The following SCNN1B variants were observed in gnomAD, a reference collection of about 807,000 sequenced individuals.
SCNN1B encodes sodium channel epithelial 1 subunit beta, also known as epithelial sodium channel subunit beta.
Under a neutral mutation model 65.3 loss-of-function variants are expected in SCNN1B, and 46 were observed. That is an observed-to-expected ratio of 0.70 (90% CI 0.56 to 0.90). The LOEUF (loss-of-function observed/expected upper bound fraction) is 0.90, where lower values mean the gene tolerates loss of function less well. Among genes scored for constraint, SCNN1B ranks in the 40% least tolerant of loss-of-function variants. SCNN1B has a pLI of 0.00. For synonymous variants in SCNN1B, 349 were observed against 330.6 expected (o/e 1.06, Z -0.60); for missense variants, 751 against 830.5 (o/e 0.90, Z 1.18).
chr16:23,328,706 C>T (rs1961746883), intron 1 of SCNN1B, among the ~76,000 whole-genome samples: 1 of 152,216 alleles, frequency 6.6e-6, no homozygotes, highest in South Asian at 2.1e-4. Context: ...GAAGTCCTGT[C>T]CTGCAACAAT....
chr16:23,339,292 T>C (rs77655571), intron 1 of SCNN1B, among the ~76,000 whole-genome samples: 21,419 of 152,166 alleles, frequency 0.14, 2,027 homozygotes, highest in African/African-American at 0.27. Context: ...GTGGATTGCT[T>C]CTAGGTGGGG....
intron 2 of SCNN1B, among the ~76,000 whole-genome samples, chr16:23,294,557 C>T (rs1227651453): frequency 1.3e-5 from 2 of 151,690 alleles, no homozygotes; most frequent in Non-Finnish European, 2.9e-5. Context: ...TTCAAACACA[C>T]CCAGCACACA....
At chr16:23,306,241 CAAA>C (rs528596295) in intron 1 of SCNN1B, among the ~76,000 whole-genome samples, 1 of 106,014 alleles carries the variant, frequency 9.4e-6, no homozygotes, top group Admixed American at 1.0e-4. Context: ...GAAACTCTGT[CAAA>C]AAAAAAAAAA....
At chr16:23,291,720 A>G (rs1009692822) in intron 2 of SCNN1B, among the ~76,000 whole-genome samples, 5 of 148,886 alleles carry the variant, frequency 3.4e-5, no homozygotes, top group Admixed American at 2.7e-4. Flanking sequence ...GACCACAGGC[A>G]CGCACCACCA....
intron 1 of SCNN1B, among the ~76,000 whole-genome samples, chr16:23,336,584 A>C (rs1442736024): frequency 2.6e-5 from 4 of 151,988 alleles, no homozygotes; most frequent in Non-Finnish European, 5.9e-5. Flanking sequence ...GTTGGCCAGG[A>C]TGGTCTCGAT....
intron 2 of SCNN1B, among the ~76,000 whole-genome samples, chr16:23,289,869 T>A (rs968938531): frequency 1.3e-5 from 2 of 151,756 alleles, no homozygotes; most frequent in Non-Finnish European, 2.9e-5. Context: ...AGAGACGGGG[T>A]TTCACCATGT....
chr16:23,377,235 C>T lies in SCNN1B; in HGVS notation c.1341C>T (p.Ser447=). 6.2e-7 allele frequency: 1 copy of T among 1,614,212 alleles called. No homozygotes were observed. The highest frequency in any genetic ancestry group is 8.5e-7 in the Non-Finnish European group (1 of 1,180,024). The change falls in exon 9 of 13, where the codon TCC becomes TCT. Residue 447 remains serine (S), a synonymous_variant. Coordinates refer to ENST00000343070, the MANE Select transcript of SCNN1B (RefSeq NM_000336.3). ...RETCIGMCKE[S]CNDTQYKMTI... is the part of the protein sequence containing the mutation. ...CCTGCATTGGCATGTGCAAGGAGTC[C>T]TGCAAGTGAGTGCGGGTGGGCGGGC... is the stretch of plus-strand genomic sequence containing the variant.
intron 7 of SCNN1B, among the ~76,000 whole-genome samples, chr16:23,373,466 G>A: frequency 6.6e-6 from 1 of 152,152 alleles, no homozygotes; most frequent in East Asian, 1.9e-4. Flanking sequence ...CCCCCTTGCT[G>A]TAGCTGGAGG....
intron 1 of SCNN1B, among the ~76,000 whole-genome samples, chr16:23,343,282 G>A (rs900143142): frequency 1.0e-5 from 1 of 96,302 alleles, no homozygotes; most frequent in African/African-American, 2.9e-5. Context: ...GATAAACCCC[G>A]TCACTATTAA....
At chr16:23,299,065 T>TC (rs975701514), upstream of SCNN1B, among the ~76,000 whole-genome samples, 123 of 149,968 alleles carry the variant, frequency 8.2e-4, no homozygotes, top group African/African-American at 2.9e-3. Flanking sequence ...TTTTCTTTTT[T>TC]TTTTTTTTTT....
chr16:23,301,427 G>T (rs993739569), upstream of SCNN1B, among the ~76,000 whole-genome samples: 1 of 146,190 alleles, frequency 6.8e-6, no homozygotes. Context: ...GAGAGAGAGA[G>T]AGAAAGAAAG....
chr16:23,375,790 G>A lies in SCNN1B; in HGVS notation c.1205G>A (p.Gly402Asp). The A allele has an allele frequency of 6.2e-7, 1 of 1,614,164 alleles. No individual in the cohort carries two copies. The highest frequency in any genetic ancestry group is 1.1e-5 in the South Asian group (1 of 91,082). The stretch of plus-strand genomic sequence containing the variant: ...CACATGATCCGTAACTGCAACTGTG[G>A]CCACTACCTGTACCCACTGCCCCGT... ...QDHMIRNCNCGHYLYPLPRGE... is the reference protein window; with the variant it reads ...QDHMIRNCNCDHYLYPLPRGE... The change falls in exon 8 of 13, where the codon GGC becomes GAC. Residue 402 changes from glycine (G) to aspartate (D), a missense_variant. By Grantham distance (94) the Gly-to-Asp change is moderately conservative (BLOSUM62 -1). Transcript: ENST00000343070.
In SCNN1B at chr16:23,348,507, C is replaced by G; in HGVS notation, c.-8-85C>G. ...AGGGAGGAAGAACGGGGACGTACCG[C>G]CGCCCAGTTCCTGGACGTGACTGGG... On this transcript the variant is annotated intron_variant, in intron 1 of 12. Coordinates refer to ENST00000343070, the MANE Select transcript of SCNN1B (RefSeq NM_000336.3). This position sits in a 1 kb window ranked among gnomAD's most constrained non-coding sequence, Gnocchi z 4.5. The G allele has an allele frequency of 7.5e-7, 1 of 1,326,242 alleles. No individual in the cohort carries two copies. The highest frequency in any genetic ancestry group is 2.6e-4 in the Middle Eastern group (1 of 3,912). 82.2% of individuals were successfully genotyped at this position (1,326,242 alleles called of 1,614,324 possible).
chr16:23,380,013 T>A lies in SCNN1B; in HGVS notation c.1467-81T>A. The A allele has an allele frequency of 9.8e-7, 1 of 1,016,558 alleles. No individual in the cohort carries two copies. Among genetic ancestry groups the A allele is most frequent in the Non-Finnish European group, 1.6e-6 (1 of 635,048 alleles). The allele number at this position is 1,016,558 out of a possible 1,614,324, so 63.0% of individuals were successfully genotyped here. ...GTGTGTGCACGTGCATGTGTGTGCA[T>A]GTGTCTATGTGCGTGTGTGTGTGTC... On this transcript the variant is annotated intron_variant, in intron 11 of 12. Coordinates refer to ENST00000343070, the MANE Select transcript of SCNN1B (RefSeq NM_000336.3). The surrounding 1 kb of genome is among the most constrained non-coding windows in gnomAD (Gnocchi z 5.4).
At chr16:23,336,540 T>G (rs1051613927) in intron 1 of SCNN1B, among the ~76,000 whole-genome samples, 1 of 151,984 alleles carries the variant, frequency 6.6e-6, no homozygotes, top group Non-Finnish European at 1.5e-5. Context: ...CCCAGCTAAT[T>G]TGTGTATTTT....
intron 5 of SCNN1B, 33 bp downstream of exon 5, chr16:23,367,992 T>C (rs1269534745): frequency 6.6e-7 from 1 of 1,523,564 alleles, no homozygotes; most frequent in African/African-American, 1.4e-5. Context: ...GCCAGAGCCA[T>C]GAGGCTTTAA....
chr16:23,379,671 C>T (rs946177915), intron 11 of SCNN1B, among the ~76,000 whole-genome samples: 13 of 152,156 alleles, frequency 8.5e-5, no homozygotes, highest in Admixed American at 5.9e-4. Context: ...GGAGTCACTC[C>T]GTATAGCCCA....
At chr16:23,349,687 C>G (rs959192731) in intron 2 of SCNN1B, among the ~76,000 whole-genome samples, 10 of 152,162 alleles carry the variant, frequency 6.6e-5, no homozygotes, top group South Asian at 2.1e-4. Context: ...CTAGGCAACA[C>G]AAATACAACA....
chr16:23,282,183 C>G (rs1960793510), intron 1 of SCNN1B, among the ~76,000 whole-genome samples: 1 of 152,046 alleles, frequency 6.6e-6, no homozygotes. Flanking sequence ...ACACTATATC[C>G]ACGTACCACG....
Sources: allele counts gnomAD v4.1 joint callset (sites outside exome capture counted in the v4.1 genomes callset), GRCh38; gene constraint gnomAD v4.1.1; non-coding constraint Gnocchi (gnomAD v3.1); transcripts MANE v1.5; gene names NCBI Gene and HGNC (gene_info 2026-07-23, HGNC 2026-07-21).